The following GRIN3A variants were observed in gnomAD, a reference collection of about 807,000 sequenced individuals.
GRIN3A encodes the protein glutamate receptor ionotropic, NMDA 3A.
A neutral mutation model predicts 92.4 loss-of-function variants in GRIN3A; 47 were observed. That is an observed-to-expected ratio of 0.51 (90% CI 0.40 to 0.65). GRIN3A has a LOEUF of 0.65. Among genes scored for constraint, GRIN3A ranks in the 30% least tolerant of loss-of-function variants. The probability of loss-of-function intolerance (pLI) is 0.00; values close to 1 mark genes in which losing one functional copy is unlikely to be tolerated. For missense variants in GRIN3A, 1,324 were observed against 1,393.1 expected (o/e 0.95, Z 0.79); for synonymous variants, 527 against 540.6 (o/e 0.97, Z 0.35).
intron 1 of GRIN3A, among the ~76,000 whole-genome samples, chr9:101,704,969 G>C (rs905269745): frequency 1.3e-5 from 2 of 152,096 alleles, no homozygotes; most frequent in African/African-American, 4.8e-5. Context: ...GTCTTCCTGA[G>C]TCTCAAAAGG....
At chr9:101,662,483 G>T (rs1022004845) in intron 3 of GRIN3A, among the ~76,000 whole-genome samples, 1 of 151,434 alleles carries the variant, frequency 6.6e-6, no homozygotes, top group Non-Finnish European at 1.5e-5. Context: ...AATAGTGCTC[G>T]GCATGTGGGA....
intron 6 of GRIN3A, 60 bp from the exon 7 acceptor site, chr9:101,579,420 G>A: frequency 6.5e-7 from 1 of 1,549,414 alleles, no homozygotes. Context: ...CCCAATGCTT[G>A]TGTACTCTTT....
At chr9:101,648,849 T>G (rs1828974152) in intron 3 of GRIN3A, among the ~76,000 whole-genome samples, 1 of 152,014 alleles carries the variant, frequency 6.6e-6, no homozygotes. Context: ...TTTGTGGGTG[T>G]TGTTTGGTGG....
intron 1 of GRIN3A, among the ~76,000 whole-genome samples, chr9:101,724,113 C>T (rs1440436779): frequency 3.3e-5 from 5 of 152,200 alleles, no homozygotes; most frequent in Admixed American, 6.5e-5. Flanking sequence ...GCTGTGCGCC[C>T]GCACTCCTCA....
At chr9:101,615,468 C>T (rs944530465) in intron 5 of GRIN3A, among the ~76,000 whole-genome samples, 1 of 151,044 alleles carries the variant, frequency 6.6e-6, no homozygotes, top group Non-Finnish European at 1.5e-5. Flanking sequence ...GCCATTCTCC[C>T]GCCTCAGCCT....
rs1828665500 is a variant in GRIN3A at position 101,628,410 on chromosome 9, G to C, written c.2353-9C>G. 1 of 1,612,348 alleles carries C rather than the reference G, an allele frequency of 6.2e-7. No individual in the cohort carries two copies. Among genetic ancestry groups the C allele is most frequent in the East Asian group, 2.2e-5 (1 of 44,854 alleles). On this transcript the variant is annotated splice_polypyrimidine_tract_variant and intron_variant, in intron 3 of 8. Transcript: ENST00000361820. ...TGGGAAGGATGATGTAACTATGAGG[G>C]AGAAAAAGAAATGGCTTAAATAAAA... is the stretch of plus-strand genomic sequence containing the variant.
At chr9:101,709,433 GCA>G (rs1829851854) in intron 1 of GRIN3A, among the ~76,000 whole-genome samples, 1 of 152,162 alleles carries the variant, frequency 6.6e-6, no homozygotes, top group South Asian at 2.1e-4. Flanking sequence ...TGTGGAGGCA[GCA>G]GAGCCTGGTT....
At chr9:101,681,662 A>G (rs1408665233) in intron 2 of GRIN3A, among the ~76,000 whole-genome samples, 6 of 151,170 alleles carry the variant, frequency 4.0e-5, no homozygotes, top group Non-Finnish European at 8.8e-5. Context: ...AGAGTTCATT[A>G]TTTCCCTCTG....
intron 1 of GRIN3A, among the ~76,000 whole-genome samples, chr9:101,715,120 C>T (rs1157039606): frequency 1.3e-5 from 2 of 150,778 alleles, no homozygotes; most frequent in African/African-American, 4.9e-5. Flanking sequence ...TATTATTTTC[C>T]TCTTCCAGGA....
chr9:101,569,808 C>A lies in GRIN3A; in HGVS notation c.*3366G>T, dbSNP rs1334371282. The A allele has an allele frequency of 6.6e-6, 1 of 152,138 alleles. No homozygotes were observed. Among genetic ancestry groups the A allele is most frequent in the Non-Finnish European group, 1.5e-5 (1 of 68,014 alleles). The allele number at this position is 152,138 out of a possible 1,614,324, so 9.4% of individuals were successfully genotyped here. A position where few individuals can be genotyped will look rare whatever the true frequency, so the allele number is the denominator to read the frequency against. On this transcript the variant is annotated 3_prime_UTR_variant, in exon 9 of 9. Coordinates refer to ENST00000361820, the MANE Select transcript of GRIN3A (RefSeq NM_133445.3). ...AGAAAAAGAGGCTCTAAAGTAGTTT[C>A]TTTCCCCTTTATTCTTTACCCACAC...
intron 2 of GRIN3A, among the ~76,000 whole-genome samples, chr9:101,683,866 G>C (rs902274924): frequency 6.6e-6 from 1 of 151,054 alleles, no homozygotes; most frequent in African/African-American, 2.5e-5. Flanking sequence ...GAGAGAGAGA[G>C]AGAGAGAGAG....
At chr9:101,646,657 A>T (rs564678010) in intron 3 of GRIN3A, among the ~76,000 whole-genome samples, 1 of 151,950 alleles carries the variant, frequency 6.6e-6, no homozygotes, top group Non-Finnish European at 1.5e-5. Flanking sequence ...TGAGCATAGG[A>T]TATCTTTCCA....
At position 101,644,583 on chromosome 9, in the gene GRIN3A, A is replaced by G. The variant is rs533380041; in HGVS notation, c.2353-16182T>C. On this transcript the variant is annotated intron_variant, in intron 3 of 8. Coordinates refer to ENST00000361820, the MANE Select transcript of GRIN3A (RefSeq NM_133445.3). ...GAACTGTTGAAATGGAAATTATGGA[A>G]AAACTTAACTAGTTCTACTTCATAA... Among the ~76,000 whole-genome samples the G allele has an allele frequency of 2.6e-5, 4 of 152,088 alleles. No homozygotes were observed. The South Asian group carries it at 8.3e-4, about 32-fold the overall frequency.
chr9:101,602,606 C>A (rs1828225366), intron 6 of GRIN3A, among the ~76,000 whole-genome samples: 1 of 152,078 alleles, frequency 6.6e-6, no homozygotes, highest in Non-Finnish European at 1.5e-5. Flanking sequence ...ATGAGTTTGC[C>A]GAATTTAACC....
At chr9:101,674,884 T>G (rs932841934) in intron 2 of GRIN3A, among the ~76,000 whole-genome samples, 1 of 152,036 alleles carries the variant, frequency 6.6e-6, no homozygotes, top group African/African-American at 2.4e-5. Context: ...GAAAGCAGGT[T>G]GAAACTAGAC....
chr9:101,614,922 A>G (rs1163626714), intron 5 of GRIN3A, among the ~76,000 whole-genome samples: 3 of 151,912 alleles, frequency 2.0e-5, no homozygotes, highest in East Asian at 3.9e-4. Context: ...CCAGCCTGTG[A>G]TAATACTTAT....
chr9:101,669,877 T>G (rs1355002644), intron 3 of GRIN3A, among the ~76,000 whole-genome samples, 183 bp downstream of exon 3: 1 of 152,094 alleles, frequency 6.6e-6, no homozygotes, highest in Non-Finnish European at 1.5e-5. Flanking sequence ...TTTTGTTTCG[T>G]TTATGAAACA....
intron 1 of GRIN3A, among the ~76,000 whole-genome samples, chr9:101,731,183 C>G (rs1830135874): frequency 2.0e-5 from 3 of 151,922 alleles, no homozygotes; most frequent in African/African-American, 7.3e-5. Context: ...TCTTTTATGC[C>G]TTTTCTTATG....
At chr9:101,657,164 A>G (rs973037470) in intron 3 of GRIN3A, among the ~76,000 whole-genome samples, 1 of 151,950 alleles carries the variant, frequency 6.6e-6, no homozygotes, top group African/African-American at 2.4e-5. Flanking sequence ...CTTCCAGAAT[A>G]TGTGGCAGGA....
Sources: gnomAD v4.1 joint callset for allele counts (sites outside exome capture counted in the v4.1 genomes callset) on GRCh38, gnomAD v4.1.1 for gene constraint, MANE v1.5 for transcripts, NCBI Gene and HGNC (gene_info 2026-07-23, HGNC 2026-07-21) for gene names.